Variants in PCDH11X observed in about 807,000 individuals in gnomAD.
PCDH11X encodes the protein protocadherin 11 X-linked.
Under a neutral mutation model 53.3 loss-of-function variants are expected in PCDH11X, and 18 were observed. That is an observed-to-expected ratio of 0.34 (90% confidence interval 0.23 to 0.50). PCDH11X has a LOEUF of 0.50. PCDH11X is among the 20% of genes least tolerant of loss of function. PCDH11X has a pLI of 0.98. For missense variants in PCDH11X, 570 were observed against 1,032.4 expected (o/e 0.55, Z 6.14); for synonymous variants, 279 against 393.3 (o/e 0.71, Z 3.44).
chrX:92,556,247 A>G (rs1330046817), intron 10 of PCDH11X, among the ~76,000 whole-genome samples: 7 of 110,900 alleles, frequency 6.3e-5, no homozygotes, highest in Non-Finnish European at 1.3e-4. Flanking sequence ...TCAAAACACA[A>G]TAATACCTTT....
chrX:92,287,398 T>C (rs2068398341), intron 8 of PCDH11X, among the ~76,000 whole-genome samples: 2 of 111,405 alleles, frequency 1.8e-5, no homozygotes, highest in African/African-American at 6.5e-5. Flanking sequence ...CCAAGTGTTC[T>C]CATTGCTCAA....
intron 8 of PCDH11X, among the ~76,000 whole-genome samples, chrX:92,368,922 G>A (rs1603291203): frequency 9.2e-6 from 1 of 108,808 alleles, no homozygotes; most frequent in Middle Eastern, 4.7e-3. Context: ...TCTCCTGTAT[G>A]AGATGTCTGT....
chrX:92,478,810 G>A (rs1327967601), intron 10 of PCDH11X, among the ~76,000 whole-genome samples: 55 of 110,399 alleles, frequency 5.0e-4, no homozygotes, highest in Non-Finnish European at 8.9e-4. Flanking sequence ...GTCAATTTTA[G>A]AGTATGTGCC....
chrX:92,186,849 TAATA>T (rs1344942853), intron 6 of PCDH11X, among the ~76,000 whole-genome samples: 2 of 111,087 alleles, frequency 1.8e-5, no homozygotes, highest in Non-Finnish European at 3.8e-5. Context: ...CACAAAGAAA[TAATA>T]AATATTGAAG....
intron 8 of PCDH11X, among the ~76,000 whole-genome samples, chrX:92,276,697 T>C (rs2068101055): frequency 9.0e-6 from 1 of 111,723 alleles, no homozygotes; most frequent in Non-Finnish European, 1.9e-5. Context: ...CAAGTCCTGT[T>C]GTGGGGTTTG....
chrX:92,239,317 T>A (rs961074887), intron 7 of PCDH11X, among the ~76,000 whole-genome samples: 18 of 111,404 alleles, frequency 1.6e-4, no homozygotes, highest in Non-Finnish European at 3.0e-4. Context: ...TGTTTTGGAG[T>A]CCACCAGGCG....
At chrX:92,246,977 G>A (rs1321571548) in intron 7 of PCDH11X, among the ~76,000 whole-genome samples, 1 of 111,595 alleles carries the variant, frequency 9.0e-6, no homozygotes, top group African/African-American at 3.3e-5. Flanking sequence ...AATAATTTGA[G>A]ATTCAAGGAC....
At chrX:92,384,087 C>T (rs184687293) in intron 8 of PCDH11X, among the ~76,000 whole-genome samples, 194 of 112,093 alleles carry the variant, frequency 1.7e-3, no homozygotes, top group African/African-American at 5.9e-3. Context: ...TGATGATGAG[C>T]TTCTTTTCAT....
Position 91,878,861 on chromosome X carries a change from A to G in PCDH11X, c.2621A>G (p.Lys874Arg). 1 of 1,211,748 alleles carries G rather than the reference A, an allele frequency of 8.3e-7. No individual in the cohort carries two copies. The highest frequency in any genetic ancestry group is 1.8e-5 in the South Asian group (1 of 56,983). ...MIMMKKKKKK[K>R]KHSPKNLLLN... ...ATGATGAAGAAAAAGAAAAAGAAGA[A>G]GAAGCATTCCCCTAAGAACTTGCTG... Residue 874 changes from lysine (K) to arginine (R), a missense_variant, in exon 6 of 11, where the codon AAG becomes AGG. Lys to Arg is a conservative substitution (Grantham distance 26, BLOSUM62 2). This residue lies in a region of PCDH11X where 226 missense variants were observed against 457.5 expected (regional missense o/e 0.49). Transcript: ENST00000682573.
chrX:92,576,127 C>T (rs779959440), intron 10 of PCDH11X, among the ~76,000 whole-genome samples: 1 of 101,422 alleles, frequency 9.9e-6, no homozygotes, highest in African/African-American at 3.6e-5. Flanking sequence ...TTGACCACTT[C>T]GTCATTATGC....
At chrX:92,497,010 A>C (rs2073871885) in intron 10 of PCDH11X, among the ~76,000 whole-genome samples, 2 of 111,926 alleles carry the variant, frequency 1.8e-5, no homozygotes, top group Non-Finnish European at 3.8e-5. Context: ...AGAGTTGGGC[A>C]ATAGTTAAAG....
chrX:92,362,999 T>G (rs1416716321), intron 8 of PCDH11X, among the ~76,000 whole-genome samples: 1 of 110,515 alleles, frequency 9.0e-6, no homozygotes, highest in African/African-American at 3.3e-5. Context: ...TAATCTATTT[T>G]TTTTGGTCTA....
At chrX:92,452,497 ATGT>A (rs1442512084) in intron 9 of PCDH11X, among the ~76,000 whole-genome samples, 4 of 33,832 alleles carry the variant, frequency 1.2e-4, no homozygotes, top group African/African-American at 1.1e-3. Flanking sequence ...ATATATATAT[ATGT>A]TTTTTTTTTT....
At chrX:92,039,723 G>A (rs2063182658) in intron 6 of PCDH11X, among the ~76,000 whole-genome samples, 1 of 111,788 alleles carries the variant, frequency 8.9e-6, no homozygotes, top group Admixed American at 9.5e-5. Context: ...TGGATAAGCT[G>A]ATACCTAAGG....
At chrX:92,398,056 C>G (rs1365220300) in intron 9 of PCDH11X, among the ~76,000 whole-genome samples, 1 of 111,136 alleles carries the variant, frequency 9.0e-6, no homozygotes, top group Non-Finnish European at 1.9e-5. Context: ...ACTATTAAGT[C>G]TTCCCTTCTG....
At chrX:91,819,744 A>C (rs1224232850) in intron 4 of PCDH11X, among the ~76,000 whole-genome samples, 1 of 101,187 alleles carries the variant, frequency 9.9e-6, no homozygotes, top group Non-Finnish European at 2.0e-5. Context: ...ATACGTATAC[A>C]TGTGCCATGC....
chrX:92,092,286 A>G (rs2064062136), intron 6 of PCDH11X, among the ~76,000 whole-genome samples: 1 of 111,747 alleles, frequency 8.9e-6, no homozygotes, highest in African/African-American at 3.3e-5. Flanking sequence ...AAGGTAATAC[A>G]CTGAAGACAC....
At chrX:92,291,237 C>T (rs6618947) in intron 8 of PCDH11X, among the ~76,000 whole-genome samples, 11,102 of 97,232 alleles carry the variant, frequency 0.11, 1,186 homozygotes, top group East Asian at 0.47. Flanking sequence ...TTAAAGCATA[C>T]TGATACATTA....
chrX:92,226,058 T>C (rs12689544), intron 7 of PCDH11X, among the ~76,000 whole-genome samples: 18,463 of 110,835 alleles, frequency 0.17, 1,321 homozygotes, highest in Admixed American at 0.29. Context: ...TTGGGGAATA[T>C]TAAAACACAC....
Sources: gnomAD v4.1 joint callset for allele counts (sites outside exome capture counted in the v4.1 genomes callset) on GRCh38, gnomAD v4.1.1 for gene constraint, gnomAD v4.1.1 regional missense constraint, MANE v1.5 for transcripts, NCBI Gene and HGNC (gene_info 2026-07-23, HGNC 2026-07-21) for gene names.